The following KLF12 variants were observed in gnomAD, a reference collection of about 807,000 sequenced individuals.
KLF12 encodes KLF transcription factor 12.
In KLF12, 9 loss-of-function variants were observed where a neutral mutation model predicts 37.8. The ratio of observed to expected loss-of-function variants is 0.24; its 90% CI spans 0.14 to 0.42. The LOEUF (loss-of-function observed/expected upper bound fraction) is 0.42. Ranked by LOEUF, KLF12 falls within the 10% of genes least tolerant of loss-of-function variation. KLF12 has a pLI of 1.00. For missense variants in KLF12, 411 were observed against 516.0 expected, an observed-to-expected ratio of 0.80 and a Z score of 1.97; for synonymous variants, 208 against 202.1, an observed-to-expected ratio of 1.03 and a Z score of -0.25.
At chr13:73,938,964 A>T (rs577744697) in intron 3 of KLF12, among the ~76,000 whole-genome samples, 2 of 152,322 alleles carry the variant, frequency 1.3e-5, no homozygotes, top group South Asian at 2.1e-4. Flanking sequence ...AACAGAAAGG[A>T]ATCTGTCTTC....
At chr13:74,130,597 G>A (rs1593925272) in intron 1 of KLF12, among the ~76,000 whole-genome samples, 1 of 150,386 alleles carries the variant, frequency 6.6e-6, no homozygotes, top group African/African-American at 2.5e-5. Flanking sequence ...TTTGAGCTAT[G>A]ATGATGCCAC....
the KLF12 span, among the ~76,000 whole-genome samples, chr13:74,174,477 G>T: frequency 1.3e-5 from 2 of 151,874 alleles, no homozygotes; most frequent in African/African-American, 4.8e-5. Context: ...CCGACCTCAT[G>T]ATCTGCCCAC....
At chr13:73,907,070 AC>A (rs1244972107) in intron 3 of KLF12, among the ~76,000 whole-genome samples, 1 of 152,188 alleles carries the variant, frequency 6.6e-6, no homozygotes, top group African/African-American at 2.4e-5. Context: ...ATTTTCCACT[AC>A]TTAATCCCTG....
chr13:74,131,484 C>T (rs1878257810), intron 1 of KLF12, among the ~76,000 whole-genome samples: 1 of 152,180 alleles, frequency 6.6e-6, no homozygotes, highest in African/African-American at 2.4e-5. Flanking sequence ...AGGTCAAGGT[C>T]TCAAATGCTA....
At position 73,689,523 on chromosome 13, in the gene KLF12, C is replaced by A. The variant is rs1344121632; in HGVS notation, c.*5967G>T. The A allele has an allele frequency of 1.3e-5, 2 of 152,072 alleles. No homozygotes were observed. The highest frequency in any genetic ancestry group is 2.9e-5 in the Non-Finnish European group (2 of 68,012). 9.4% of individuals were successfully genotyped at this position (152,072 alleles called of 1,614,324 possible). On this transcript the variant is annotated 3_prime_UTR_variant, in exon 8 of 8. Coordinates refer to ENST00000377669, the MANE Select transcript of KLF12 (RefSeq NM_007249.5). ...TATAGTCTCATTGTATATTTCTATCCATGACTCCACTTTTAGCAGTACAGT... is the reference window on the plus strand; with the variant it reads ...TATAGTCTCATTGTATATTTCTATCAATGACTCCACTTTTAGCAGTACAGT...
chr13:73,886,230 C>T (rs991836608), intron 3 of KLF12, among the ~76,000 whole-genome samples: 2 of 152,158 alleles, frequency 1.3e-5, no homozygotes, highest in Admixed American at 6.6e-5. Flanking sequence ...GCCATTCTGA[C>T]TATATAGTTA....
At chr13:74,165,013 C>T in the KLF12 span, among the ~76,000 whole-genome samples, 3 of 151,810 alleles carry the variant, frequency 2.0e-5, no homozygotes, top group African/African-American at 4.8e-5. Context: ...CTACAGTCAA[C>T]AATAATTTAC....
intron 5 of KLF12, among the ~76,000 whole-genome samples, chr13:73,793,430 T>C (rs554414856): frequency 9.7e-4 from 147 of 152,324 alleles, no homozygotes; most frequent in African/African-American, 3.5e-3. Context: ...GACCTAGACA[T>C]CTATAGGTAC....
At chr13:73,797,094 A>G (rs1293484813) in intron 5 of KLF12, among the ~76,000 whole-genome samples, 1 of 152,168 alleles carries the variant, frequency 6.6e-6, no homozygotes, top group Non-Finnish European at 1.5e-5. Flanking sequence ...AGAGTATACA[A>G]TTGTTAAATT....
chr13:73,963,310 CA>C (rs2139473636), intron 2 of KLF12, among the ~76,000 whole-genome samples: 1 of 147,826 alleles, frequency 6.8e-6, no homozygotes, highest in African/African-American at 2.6e-5. Flanking sequence ...CACACACACA[CA>C]CACACACACG....
intron 6 of KLF12, among the ~76,000 whole-genome samples, chr13:73,741,081 C>A (rs9530233): frequency 0.74 from 112,161 of 152,136 alleles, 43,123 homozygotes; most frequent in East Asian, 0.86. Flanking sequence ...TCTATAACAT[C>A]GTTCTGCTGA....
the KLF12 span, among the ~76,000 whole-genome samples, chr13:74,237,334 G>A: frequency 5.5e-5 from 8 of 144,326 alleles, no homozygotes; most frequent in Admixed American, 3.4e-4. Context: ...ATGCTGTTTT[G>A]GTTACCGTAG....
chr13:73,764,491 AT>A (rs1879777897), intron 6 of KLF12, among the ~76,000 whole-genome samples: 2 of 148,536 alleles, frequency 1.3e-5, no homozygotes, highest in African/African-American at 4.9e-5. Context: ...AAAAAAAAAA[AT>A]CCTGGATATT....
At chr13:73,837,137 T>C (rs1884477356) in intron 4 of KLF12, among the ~76,000 whole-genome samples, 1 of 152,160 alleles carries the variant, frequency 6.6e-6, no homozygotes, top group African/African-American at 2.4e-5. Flanking sequence ...CTTCCTCCTC[T>C]TTTCTCCTTT....
chr13:73,839,124 GCT>G (rs1884599517), intron 4 of KLF12, among the ~76,000 whole-genome samples: 1 of 149,456 alleles, frequency 6.7e-6, no homozygotes, highest in Admixed American at 6.7e-5. Context: ...ATGGGATTTG[GCT>G]CTGTCACCCA....
chr13:73,981,952 A>C (rs1891698922), intron 2 of KLF12, among the ~76,000 whole-genome samples: 1 of 152,108 alleles, frequency 6.6e-6, no homozygotes, highest in African/African-American at 2.4e-5. Flanking sequence ...AGGGGTCTTG[A>C]AAAAAAATAC....
intron 3 of KLF12, among the ~76,000 whole-genome samples, chr13:73,910,803 G>C (rs1392438424): frequency 6.6e-6 from 1 of 152,174 alleles, no homozygotes; most frequent in Non-Finnish European, 1.5e-5. Context: ...TTATGAAGTG[G>C]AATGGGTTAA....
chr13:74,067,072 A>C (rs149106113), intron 1 of KLF12, among the ~76,000 whole-genome samples: 2,628 of 152,306 alleles, frequency 0.017, 68 homozygotes, highest in African/African-American at 0.06. Context: ...CCTCCTACCA[A>C]GGATTACAAG....
chr13:73,986,381 TTTGA>T (rs1255050614), intron 2 of KLF12, among the ~76,000 whole-genome samples: 1 of 152,214 alleles, frequency 6.6e-6, no homozygotes, highest in Non-Finnish European at 1.5e-5. Flanking sequence ...AAAATTATAT[TTTGA>T]TTGACATAAA....
Sources: allele counts gnomAD v4.1 joint callset (sites outside exome capture counted in the v4.1 genomes callset), GRCh38; gene constraint gnomAD v4.1.1; transcripts MANE v1.5; gene names NCBI Gene and HGNC (gene_info 2026-07-23, HGNC 2026-07-21).